Variants in ALG9 observed in about 807,000 individuals in gnomAD.
ALG9 encodes the protein alpha-1,2-mannosyltransferase ALG9.
In ALG9, 55 loss-of-function variants were observed where a neutral mutation model predicts 81.8. That is an observed-to-expected ratio of 0.67 (90% CI 0.54 to 0.84). ALG9 has a LOEUF of 0.84. Among genes scored for constraint, ALG9 ranks in the 40% least tolerant of loss-of-function variants. ALG9 has a pLI of 0.00. For missense variants in ALG9, 629 were observed against 745.0 expected (o/e 0.84, Z 1.81); for synonymous variants, 278 against 274.3 (o/e 1.01, Z -0.13).
At chr11:111,812,876 C>T (rs1186680545) in intron 13 of ALG9, among the ~76,000 whole-genome samples, 1 of 138,576 alleles carries the variant, frequency 7.2e-6, no homozygotes, top group Non-Finnish European at 1.5e-5. Context: ...AAGATTGCAC[C>T]ACTGCACTCC....
chr11:111,813,248 T>C (rs185825921), intron 13 of ALG9, among the ~76,000 whole-genome samples: 5 of 152,302 alleles, frequency 3.3e-5, no homozygotes, highest in African/African-American at 1.2e-4. Context: ...AAAGCATTAA[T>C]TATAAAAAAG....
Position 111,860,612 on chromosome 11 carries a change from A to C in ALG9, c.500T>G (p.Leu167Trp). Residue 167 changes from leucine to tryptophan, a missense_variant, in exon 5 of 15, where the codon TTG (leucine) becomes TGG (tryptophan). Leu to Trp is a moderately conservative substitution (Grantham distance 61). Around this residue, in one of 3 missense-constraint regions of ALG9, gnomAD observed 344 missense variants for 390.5 expected, o/e 0.88. Transcript: ENST00000616540. ...GGCTAGCATCATTCGACTCACGTGC[A>C]ACCCAAACTTCTTGCACACAGCCCT... is the stretch of plus-strand genomic sequence containing the variant. ...FYKAVCKKFGLHVSRMMLAFL... is the reference protein window; with the variant it reads ...FYKAVCKKFGWHVSRMMLAFL... 1 of 1,614,042 alleles carries C rather than the reference A, an allele frequency of 6.2e-7. No homozygotes were observed. Among genetic ancestry groups the C allele is most frequent in the Non-Finnish European group, 8.5e-7 (1 of 1,179,960 alleles).
chr11:111,775,699 A>AC, the ALG9 span, among the ~76,000 whole-genome samples: 2 of 152,234 alleles, frequency 1.3e-5, no homozygotes, highest in South Asian at 2.1e-4. Context: ...ACATAGTGAG[A>AC]CCCCATCTCT....
the ALG9 span, among the ~76,000 whole-genome samples, chr11:111,772,999 G>A: frequency 6.6e-6 from 1 of 152,078 alleles, no homozygotes; most frequent in Non-Finnish European, 1.5e-5. Flanking sequence ...AGCACTCTGG[G>A]AGGCCGAGGC....
At chr11:111,773,840 G>A in the ALG9 span, among the ~76,000 whole-genome samples, 4 of 147,408 alleles carry the variant, frequency 2.7e-5, no homozygotes, top group African/African-American at 7.5e-5. Flanking sequence ...CTGCAGCCTC[G>A]ATCTCCTGGG....
At chr11:111,857,834 A>T in intron 5 of ALG9, 97 bp from the exon 6 acceptor site, 1 of 1,339,776 alleles carries the variant, frequency 7.5e-7, no homozygotes, top group Non-Finnish European at 1.0e-6. Flanking sequence ...CTACATTATA[A>T]AATGTCAATA....
downstream of ALG9, among the ~76,000 whole-genome samples, chr11:111,777,665 C>T (rs1555055698): frequency 6.6e-6 from 1 of 151,814 alleles, no homozygotes; most frequent in Non-Finnish European, 1.5e-5. Context: ...AAAAAAAATG[C>T]AAGGAAAGGG....
chr11:111,815,437 T>C (rs1360621362), intron 13 of ALG9, among the ~76,000 whole-genome samples: 1 of 151,962 alleles, frequency 6.6e-6, no homozygotes, highest in Non-Finnish European at 1.5e-5. Flanking sequence ...CGAAGCAAAA[T>C]CATATTAATC....
chr11:111,789,304 T>G (rs538973081), intron 14 of ALG9, among the ~76,000 whole-genome samples: 2 of 152,150 alleles, frequency 1.3e-5, no homozygotes, highest in South Asian at 4.1e-4. Flanking sequence ...CATGCTAGAG[T>G]GCAGTGGCAT....
At chr11:111,800,913 A>G (rs1484540233) in intron 14 of ALG9, among the ~76,000 whole-genome samples, 1 of 152,226 alleles carries the variant, frequency 6.6e-6, no homozygotes, top group African/African-American at 2.4e-5. Context: ...ACCATAAAAA[A>G]AGCAGGGTTA....
Position 111,837,589 on chromosome 11 carries a change from G to T in ALG9, c.1351C>A (p.Pro451Thr), listed in dbSNP as rs782727331. Residue 451 changes from proline to threonine, a missense_variant, in exon 12 of 15, where the codon CCA becomes ACA. Physicochemically the swap from Pro to Thr is conservative, Grantham distance 38. Around this residue, in one of 3 missense-constraint regions of ALG9, gnomAD observed 264 missense variants for 302.2 expected, o/e 0.87. Transcript: ENST00000616540. The part of the protein sequence containing the change: ...RGYHGPLDLY[P>T]EFYRIATDPT... ...TCTGTAGCAATTCGGTAAAATTCTG[G>T]ATACAAATCAAGGGGCCCGTGATAT... 3.1e-6 allele frequency: 5 copies of T among 1,613,964 alleles called. No individual in the cohort carries two copies. The Admixed American group carries it at 5.0e-5, about 16-fold the overall frequency.
At chr11:111,802,714 T>C (rs1949312596) in intron 14 of ALG9, among the ~76,000 whole-genome samples, 1 of 152,162 alleles carries the variant, frequency 6.6e-6, no homozygotes, top group African/African-American at 2.4e-5. Context: ...GTTTTGTGCC[T>C]CACAGTGAAG....
At chr11:111,790,990 G>T in intron 14 of ALG9, among the ~76,000 whole-genome samples, 1 of 152,092 alleles carries the variant, frequency 6.6e-6, no homozygotes, top group South Asian at 2.1e-4. Flanking sequence ...TTATTTGCTT[G>T]TTTCACAAAC....
intron 13 of ALG9, among the ~76,000 whole-genome samples, chr11:111,822,862 A>C (rs967202527): frequency 1.3e-5 from 2 of 152,092 alleles, no homozygotes; most frequent in Non-Finnish European, 1.5e-5. Context: ...GTCTCTACTA[A>C]AAATACAACA....
At chr11:111,777,568 CAAG>C (rs1945735619), downstream of ALG9, among the ~76,000 whole-genome samples, 1 of 151,980 alleles carries the variant, frequency 6.6e-6, no homozygotes, top group Admixed American at 6.6e-5. Flanking sequence ...AAAAACAAAA[CAAG>C]AAAACTTTGG....
At chr11:111,773,945 C>T in the ALG9 span, among the ~76,000 whole-genome samples, 1 of 149,970 alleles carries the variant, frequency 6.7e-6, no homozygotes, top group Non-Finnish European at 1.5e-5. Context: ...TTTGTAGAGA[C>T]AGGGTTTGGC....
chr11:111,795,370 A>G (rs1348459532), intron 14 of ALG9, among the ~76,000 whole-genome samples: 1 of 152,176 alleles, frequency 6.6e-6, no homozygotes, highest in Non-Finnish European at 1.5e-5. Context: ...GCAAAGCAGA[A>G]GTCTAGAGTG....
intron 13 of ALG9, among the ~76,000 whole-genome samples, chr11:111,820,643 T>C (rs1555102460): frequency 6.6e-6 from 1 of 152,194 alleles, no homozygotes; most frequent in Admixed American, 6.5e-5. Flanking sequence ...AATTCCCAAT[T>C]GGTATTTCTT....
chr11:111,864,646 G>A (rs567382444), intron 4 of ALG9, among the ~76,000 whole-genome samples: 15 of 151,938 alleles, frequency 9.9e-5, no homozygotes, highest in African/African-American at 3.6e-4. Context: ...ATTTCACAAG[G>A]GTAACTGTTT....
Sources: gnomAD v4.1 joint callset for allele counts (sites outside exome capture counted in the v4.1 genomes callset) on GRCh38, gnomAD v4.1.1 for gene constraint, gnomAD v4.1.1 regional missense constraint, MANE v1.5 for transcripts, NCBI Gene and HGNC (gene_info 2026-07-23, HGNC 2026-07-21) for gene names.